The following PEAK1 variants were observed in gnomAD, a reference collection of about 807,000 sequenced individuals.
The protein encoded by PEAK1 is inactive tyrosine-protein kinase PEAK1.
A neutral mutation model predicts 124.7 loss-of-function variants in PEAK1; 54 were observed. The observed-to-expected ratio is 0.43, with a 90% confidence interval of 0.35 to 0.54. The LOEUF (loss-of-function observed/expected upper bound fraction) is 0.54, where lower values mean the gene tolerates loss of function less well. Among genes scored for constraint, PEAK1 ranks in the 20% least tolerant of loss-of-function variants. The pLI is 0.01. For missense variants in PEAK1, 2,046 were observed against 2,134.5 expected (o/e 0.96, Z 0.82); for synonymous variants, 719 against 760.0 (o/e 0.95, Z 0.89).
At chr15:77,253,104 C>G (rs1048997651) in intron 5 of PEAK1, among the ~76,000 whole-genome samples, 5 of 152,206 alleles carry the variant, frequency 3.3e-5, no homozygotes, top group Non-Finnish European at 7.4e-5. Context: ...GACCCAACCC[C>G]TAATTTGTTT....
chr15:77,408,094 CACACATATATACATATAT>C lies in PEAK1; in HGVS notation c.-666+11894_-666+11911del, dbSNP rs1482129117. ...ATATACATATATACACATATATACA[CACACATATATACATATAT>C]ACACATATATACATATAGACACATG... On this transcript the variant is annotated intron_variant, in intron 1 of 9. Transcript: ENST00000682557. Among the ~76,000 whole-genome samples, 33 of 150,152 alleles carry C rather than the reference CACACATATATACATATAT, an allele frequency of 2.2e-4. 1 individual carries two copies. The highest frequency in any genetic ancestry group is 8.4e-4 in the South Asian group (4 of 4,758).
rs2063551996 is a variant in PEAK1 at position 77,297,666 on chromosome 15, G to A, written c.-602-11162C>T. On this transcript the variant is annotated intron_variant, in intron 2 of 9. Coordinates refer to ENST00000682557, the MANE Select transcript of PEAK1 (RefSeq NM_001385026.1). ...CCTAGCTACTCAGGAGGCTGAGGCAGGAGAATCGTGTGAATCCGGGAGGCA... is the reference window on the plus strand; with the variant it reads ...CCTAGCTACTCAGGAGGCTGAGGCAAGAGAATCGTGTGAATCCGGGAGGCA... Among the ~76,000 whole-genome samples the A allele has an allele frequency of 2.7e-5, 4 of 150,710 alleles. 1 individual carries two copies. Among genetic ancestry groups the A allele is most frequent in the African/African-American group, 9.9e-5 (4 of 40,600 alleles).
intron 1 of PEAK1, among the ~76,000 whole-genome samples, chr15:77,380,541 C>T (rs1001362648): frequency 2.0e-5 from 3 of 152,166 alleles, no homozygotes; most frequent in South Asian, 2.1e-4. Context: ...TGCAATGGCA[C>T]GATCACAGCT....
At chr15:77,372,209 T>C (rs968155485) in intron 1 of PEAK1, among the ~76,000 whole-genome samples, 14 of 152,200 alleles carry the variant, frequency 9.2e-5, no homozygotes. Flanking sequence ...CTATATTTAG[T>C]AGGCTCTGAA....
At position 77,180,068 on chromosome 15, in the gene PEAK1, G is replaced by C. The variant is rs756515964; in HGVS notation, c.1859C>G (p.Ser620Cys). 1 of 1,613,854 alleles carries C rather than the reference G, an allele frequency of 6.2e-7. No homozygotes were observed. Residue 620 changes from serine (S) to cysteine (C), a missense_variant, in exon 7 of 10, where the codon TCC becomes TGC. Transcript: ENST00000682557. ...AATGGGAACTTTGATAGCATTTTTG[G>C]AACTCCGAGCATAAGTTGGCTCGTC... ...IHDEPTYARS[S>C]KNAIKVPIVI...
intron 1 of PEAK1, chr15:77,417,484 G>T (rs574377976): frequency 1.0e-6 from 1 of 983,576 alleles, no homozygotes; most frequent in South Asian, 4.7e-5. Context: ...GCAAGAGGTA[G>T]GAATCACAGT....
chr15:77,114,160 C>T lies in PEAK1; in HGVS notation c.5237G>A (p.Arg1746His), dbSNP rs765543180. 6.3e-5 allele frequency: 101 copies of T among 1,613,414 alleles called. No homozygotes were observed. The highest frequency in any genetic ancestry group is 5.0e-4 in the Middle Eastern group (3 of 6,060). ...AAAGCATCATCCAGGTACACATTAA[C>T]GGTGCTGCAGAATTTTCACAATACA... ...LSCIVKILQHR is the reference protein window; with the variant it reads ...LSCIVKILQHH Residue 1746 changes from arginine (R) to histidine (H), a missense_variant, in exon 10 of 10, where the codon CGT (arginine) becomes CAT (histidine). Coordinates refer to ENST00000682557, the MANE Select transcript of PEAK1 (RefSeq NM_001385026.1).
At chr15:77,358,393 C>T (rs1209649754) in intron 2 of PEAK1, among the ~76,000 whole-genome samples, 1 of 152,190 alleles carries the variant, frequency 6.6e-6, no homozygotes, top group Non-Finnish European at 1.5e-5. Context: ...ACACTAGAAT[C>T]TGTCCTCTGT....
At chr15:77,273,681 T>C (rs1321941473) in intron 5 of PEAK1, among the ~76,000 whole-genome samples, 1 of 152,106 alleles carries the variant, frequency 6.6e-6, no homozygotes, top group Non-Finnish European at 1.5e-5. Context: ...GTAGAATCAA[T>C]ATTGTGATAA....
intron 1 of PEAK1, chr15:77,371,502 C>T: frequency 2.1e-6 from 2 of 934,676 alleles, no homozygotes; most frequent in Non-Finnish European, 1.3e-6. Flanking sequence ...TGTAACACTA[C>T]ACACATACCA....
chr15:77,391,336 T>C (rs2070430494), intron 1 of PEAK1, among the ~76,000 whole-genome samples: 2 of 152,140 alleles, frequency 1.3e-5, no homozygotes, highest in African/African-American at 4.8e-5. Flanking sequence ...AGCTGCTATA[T>C]ACCAGACACT....
chr15:77,300,516 T>C (rs1010316200), intron 2 of PEAK1, among the ~76,000 whole-genome samples: 1 of 152,222 alleles, frequency 6.6e-6, no homozygotes, highest in Non-Finnish European at 1.5e-5. Flanking sequence ...ATTGTGAAGA[T>C]AGTACATAGA....
chr15:77,414,523 T>C (rs1275093434), intron 1 of PEAK1, among the ~76,000 whole-genome samples: 1 of 152,032 alleles, frequency 6.6e-6, no homozygotes, highest in African/African-American at 2.4e-5. Flanking sequence ...CCAATTACTG[T>C]ATTTTCTATC....
At chr15:77,158,892 T>C (rs571731790) in intron 7 of PEAK1, among the ~76,000 whole-genome samples, 196 bp from the exon 8 acceptor site, 1 of 152,186 alleles carries the variant, frequency 6.6e-6, no homozygotes, top group Admixed American at 6.5e-5. Context: ...AGAACCCAAT[T>C]TGATAGAGCA....
At chr15:77,222,126 T>G (rs1376352614) in intron 6 of PEAK1, among the ~76,000 whole-genome samples, 1 of 152,100 alleles carries the variant, frequency 6.6e-6, no homozygotes, top group Non-Finnish European at 1.5e-5. Flanking sequence ...TTCAGAAGAA[T>G]GATTTGACCC....
intron 6 of PEAK1, among the ~76,000 whole-genome samples, 193 bp from the exon 7 acceptor site, chr15:77,182,233 A>G (rs1270056082): frequency 6.6e-6 from 1 of 152,152 alleles, no homozygotes. Flanking sequence ...CTTTTTAACT[A>G]TAATTTTATG....
intron 6 of PEAK1, among the ~76,000 whole-genome samples, chr15:77,227,790 G>A (rs1249787875): frequency 6.6e-6 from 1 of 151,922 alleles, no homozygotes; most frequent in African/African-American, 2.4e-5. Flanking sequence ...TTGATCCCAG[G>A]AGTTCAAGAC....
chr15:77,318,842 C>A (rs929510164), intron 2 of PEAK1, among the ~76,000 whole-genome samples: 16 of 152,016 alleles, frequency 1.1e-4, no homozygotes, highest in African/African-American at 3.4e-4. Flanking sequence ...ACCACATGTC[C>A]CCTATAAACC....
chr15:77,266,335 C>T (rs921554168), intron 5 of PEAK1, among the ~76,000 whole-genome samples: 9 of 152,004 alleles, frequency 5.9e-5, no homozygotes, highest in African/African-American at 2.2e-4. Flanking sequence ...GGTATTTACT[C>T]CACAGAGTGG....
Sources: gnomAD v4.1 joint callset for allele counts (sites outside exome capture counted in the v4.1 genomes callset) on GRCh38, gnomAD v4.1.1 for gene constraint, MANE v1.5 for transcripts, NCBI Gene and HGNC (gene_info 2026-07-23, HGNC 2026-07-21) for gene names.